Variants in MICAL2 observed in about 807,000 individuals in gnomAD.
MICAL2 encodes microtubule associated monooxygenase, calponin and LIM domain containing 2.
A neutral mutation model predicts 127.3 loss-of-function variants in MICAL2; 77 were observed. The ratio of observed to expected loss-of-function variants is 0.60; its 90% CI spans 0.50 to 0.73. MICAL2 has a LOEUF of 0.73. Ranked by LOEUF, MICAL2 falls within the 30% of genes least tolerant of loss-of-function variation. The pLI is 0.00. For missense variants in MICAL2, 1,351 were observed against 1,434.4 expected, an observed-to-expected ratio of 0.94 and a Z score of 0.94; for synonymous variants, 570 against 551.1, an observed-to-expected ratio of 1.03 and a Z score of -0.48.
At chr11:12,123,261 G>GGCATTT (rs1411651045) in intron 1 of MICAL2, among the ~76,000 whole-genome samples, 9 of 152,010 alleles carry the variant, frequency 5.9e-5, no homozygotes, top group African/African-American at 2.2e-4. Flanking sequence ...AATTGGTTAA[G>GGCATTT]GCATTTCTAA....
At chr11:12,353,165 C>A (rs1493964) in intron 33 of MICAL2, among the ~76,000 whole-genome samples, 1 of 151,830 alleles carries the variant, frequency 6.6e-6, no homozygotes, top group Non-Finnish European at 1.5e-5. Flanking sequence ...TATAACAAAG[C>A]GACCCCAGCA....
At chr11:12,244,567 T>G (rs1470260924) in intron 21 of MICAL2, among the ~76,000 whole-genome samples, 2 of 152,228 alleles carry the variant, frequency 1.3e-5, no homozygotes, top group Non-Finnish European at 2.9e-5. Flanking sequence ...CACTATTCAT[T>G]CATTCTATAA....
At chr11:12,300,584 A>C (rs1320007030) in intron 29 of MICAL2, among the ~76,000 whole-genome samples, 1 of 152,160 alleles carries the variant, frequency 6.6e-6, no homozygotes, top group African/African-American at 2.4e-5. Context: ...CCCATGAACA[A>C]GAGGCCTCTA....
intron 3 of MICAL2, among the ~76,000 whole-genome samples, chr11:12,194,373 TA>T (rs780426390): frequency 6.6e-6 from 1 of 152,254 alleles, no homozygotes; most frequent in African/African-American, 2.4e-5. Flanking sequence ...TGGCATGTAG[TA>T]AAGAGTGTTA....
chr11:12,236,343 C>T (rs1309108456), intron 16 of MICAL2, 98 bp downstream of exon 16: 2 of 1,100,036 alleles, frequency 1.8e-6, no homozygotes, highest in East Asian at 2.4e-5. Context: ...CCTGTTCCTT[C>T]CCTCTCTCAT....
Position 12,192,274 on chromosome 11 carries a change from AG to A in MICAL2, c.265-11975del, listed in dbSNP as rs1197304824. On this transcript the variant is annotated intron_variant, in intron 3 of 27. Coordinates refer to ENST00000683283, the MANE Select transcript of MICAL2 (RefSeq NM_001282663.2). Reference sequence around the variant, plus strand: ...CAGGGCAGCTCGCCAGTGCAGGAAAAGTCAGCTCAGCAGCCTCCTGGGCACC... The same window carrying A: ...CAGGGCAGCTCGCCAGTGCAGGAAAATCAGCTCAGCAGCCTCCTGGGCACC... Among the ~76,000 whole-genome samples, 11 of 152,322 alleles carry A rather than the reference AG, an allele frequency of 7.2e-5. 1 individual carries two copies. Among genetic ancestry groups the A allele is most frequent in the Middle Eastern group, 3.4e-3 (1 of 294 alleles).
intron 18 of MICAL2, among the ~76,000 whole-genome samples, chr11:12,241,815 T>G (rs891665076): frequency 6.6e-6 from 1 of 152,230 alleles, no homozygotes; most frequent in Non-Finnish European, 1.5e-5. Context: ...GCAATTTTTA[T>G]GTCTGTCTGC....
chr11:12,261,359 G>A, intron 26 of MICAL2: 3 of 985,508 alleles, frequency 3.0e-6, no homozygotes, highest in Non-Finnish European at 3.6e-6. Flanking sequence ...AGCTATTTAT[G>A]GACTGATCCA....
intron 26 of MICAL2, chr11:12,262,147 G>A (rs1863204286): frequency 8.4e-7 from 1 of 1,191,766 alleles, no homozygotes. Flanking sequence ...ACACCCAGGG[G>A]TGGACCCCCG....
At chr11:12,267,304 A>G (rs1371660344), downstream of MICAL2, among the ~76,000 whole-genome samples, 4 of 152,144 alleles carry the variant, frequency 2.6e-5, 1 homozygote, top group Admixed American at 2.0e-4. Context: ...GTCCACTCCA[A>G]CTGCTGATTT....
At chr11:12,235,773 T>G (rs947149432) in intron 15 of MICAL2, among the ~76,000 whole-genome samples, 54 of 152,152 alleles carry the variant, frequency 3.5e-4, no homozygotes, top group Admixed American at 3.5e-3. Context: ...ACTGAAAGCA[T>G]CAGCAGACCT....
At position 12,312,370 on chromosome 11, in the gene MICAL2, T is replaced by C. The variant is rs1252862916; in HGVS notation, c.5213-7326T>C. ...TTTTTTTTGCATGATGTGCGTTTTA[T>C]GTAAGGCTCTAAATTTCTCTCTAAT... On this transcript the variant is annotated intron_variant, in intron 29 of 34. Coordinates refer to the MICAL2 transcript ENST00000646065. 4.6e-5 allele frequency among the ~76,000 whole-genome samples: 7 copies of C among 152,080 alleles called. No individual in the cohort carries two copies. In the East Asian group the frequency reaches 5.8e-4, roughly 13 times the overall value.
intron 7 of MICAL2, 150 bp from the exon 8 acceptor site, chr11:12,216,069 T>C: frequency 1.6e-6 from 1 of 622,604 alleles, no homozygotes; most frequent in Non-Finnish European, 2.9e-6. Flanking sequence ...CTCTGTTTTA[T>C]CTTTGCCAGC....
chr11:12,151,129 T>C (rs1474033118), intron 2 of MICAL2, among the ~76,000 whole-genome samples: 1 of 152,150 alleles, frequency 6.6e-6, no homozygotes, highest in Non-Finnish European at 1.5e-5. Context: ...TGGGGGTGTT[T>C]CTGAAACCAA....
At chr11:12,136,259 G>A (rs1851825517) in intron 1 of MICAL2, among the ~76,000 whole-genome samples, 1 of 152,152 alleles carries the variant, frequency 6.6e-6, no homozygotes, top group African/African-American at 2.4e-5. Flanking sequence ...AAAATATAGT[G>A]TCAGGGAGTG....
At chr11:12,180,808 G>A (rs1004288974) in intron 3 of MICAL2, among the ~76,000 whole-genome samples, 2 of 151,908 alleles carry the variant, frequency 1.3e-5, no homozygotes, top group Admixed American at 6.6e-5. Flanking sequence ...TGGAGAAAAT[G>A]GGAAAGATAT....
At chr11:12,293,900 G>T (rs1402945969), downstream of MICAL2, 1 of 1,611,654 alleles carries the variant, frequency 6.2e-7, no homozygotes, top group Non-Finnish European at 8.5e-7. Context: ...CCGGGAAAAA[G>T]GGAGTACTGG....
intron 30 of MICAL2, among the ~76,000 whole-genome samples, chr11:12,320,086 G>A (rs1177412372): frequency 1.3e-5 from 2 of 152,052 alleles, no homozygotes; most frequent in Admixed American, 6.5e-5. Context: ...TCTTAAAGTG[G>A]GTTTAATATG....
chr11:12,213,118 G>C (rs182912406), intron 6 of MICAL2, 137 bp from the exon 7 acceptor site: 9 of 987,090 alleles, frequency 9.1e-6, no homozygotes, highest in Non-Finnish European at 1.3e-5. Context: ...ATTTCTGCCC[G>C]CTCCTGTCCA....
Sources: gnomAD v4.1 joint callset for allele counts (sites outside exome capture counted in the v4.1 genomes callset) on GRCh38, gnomAD v4.1.1 for gene constraint, MANE v1.5 for transcripts, NCBI Gene and HGNC (gene_info 2026-07-23, HGNC 2026-07-21) for gene names.